Variants in NSD2 observed in about 807,000 individuals in gnomAD.
NSD2 encodes nuclear receptor binding SET domain protein 2.
Under a neutral mutation model 139.0 loss-of-function variants are expected in NSD2, and 12 were observed. The observed-to-expected ratio is 0.09, with a 90% CI of 0.06 to 0.14. The LOEUF (loss-of-function observed/expected upper bound fraction) is 0.14, where lower values mean the gene tolerates loss of function less well. Ranked by LOEUF, NSD2 falls within the 10% of genes least tolerant of loss-of-function variation. The probability of loss-of-function intolerance (pLI) is 1.00; values close to 1 mark genes in which losing one functional copy is unlikely to be tolerated. For missense variants in NSD2, 1,155 were observed against 1,745.0 expected, an observed-to-expected ratio of 0.66 and a Z score of 6.02; for synonymous variants, 669 against 648.7, an observed-to-expected ratio of 1.03 and a Z score of -0.48.
chr4:1,934,908 T>C (rs868393497), intron 6 of NSD2, among the ~76,000 whole-genome samples: 1 of 79,082 alleles, frequency 1.3e-5, no homozygotes, highest in East Asian at 3.8e-4. Flanking sequence ...TATATATATA[T>C]AAAAAACAGA....
At chr4:1,947,575 A>G (rs1019953638) in intron 9 of NSD2, 16 of 1,053,358 alleles carry the variant, frequency 1.5e-5, no homozygotes, top group Non-Finnish European at 1.8e-5. Context: ...ACTTATTTTA[A>G]TTCCACTTTA....
At chr4:1,882,071 A>T (rs1324876418) in intron 1 of NSD2, among the ~76,000 whole-genome samples, 1 of 152,226 alleles carries the variant, frequency 6.6e-6, no homozygotes, top group Admixed American at 6.5e-5. Context: ...TGGAAAGAAG[A>T]TTCCTCAGAT....
chr4:1,913,376 C>T (rs1367540669), intron 3 of NSD2, among the ~76,000 whole-genome samples: 5 of 152,206 alleles, frequency 3.3e-5, no homozygotes, highest in Non-Finnish European at 7.4e-5. Context: ...GCTCCACCAC[C>T]TCTTGTGGAA....
intron 1 of NSD2, among the ~76,000 whole-genome samples, chr4:1,890,001 C>T (rs1423140657): frequency 1.3e-5 from 2 of 152,188 alleles, no homozygotes; most frequent in African/African-American, 4.8e-5. Flanking sequence ...CCTCTCCTCT[C>T]CCAGCCCCTG....
chr4:1,883,622 CTT>C (rs1184783677), intron 1 of NSD2, among the ~76,000 whole-genome samples: 2 of 136,298 alleles, frequency 1.5e-5, no homozygotes, highest in African/African-American at 5.6e-5. Flanking sequence ...CAGAGCAAGA[CTT>C]TGTTTCCAAA....
intron 1 of NSD2, among the ~76,000 whole-genome samples, chr4:1,892,423 C>T (rs921684455): frequency 3.3e-5 from 5 of 152,124 alleles, no homozygotes; most frequent in Admixed American, 1.3e-4. Context: ...CTCCCTAGCC[C>T]CTTAACGTGT....
rs1486350767 is a variant in NSD2 at position 1,888,404 on chromosome 4, T to C, written c.-29-12222T>C. On this transcript the variant is annotated intron_variant, in intron 1 of 21. Coordinates refer to ENST00000508803, the MANE Select transcript of NSD2 (RefSeq NM_001042424.3). Reference sequence around the variant, plus strand: ...CTCCAGCCTGGGTGACAGAGCGAGATTGCCTCAAAAAAAAAAAAAAAAAAA... The same window carrying C: ...CTCCAGCCTGGGTGACAGAGCGAGACTGCCTCAAAAAAAAAAAAAAAAAAA... 4.9e-3 allele frequency among the ~76,000 whole-genome samples: 455 copies of C among 93,284 alleles called. 1 individual carries two copies. Among genetic ancestry groups the C allele is most frequent in the African/African-American group, 0.019 (437 of 22,730 alleles). The allele number at this position is 93,284 out of a possible 152,430, so 61.2% of individuals were successfully genotyped here.
At chr4:1,903,255 C>A (rs1717426771) in intron 2 of NSD2, among the ~76,000 whole-genome samples, 1 of 152,190 alleles carries the variant, frequency 6.6e-6, no homozygotes, top group Non-Finnish European at 1.5e-5. Flanking sequence ...TAGAGATTCA[C>A]CCTTGGAGGG....
In NSD2 at chr4:1,920,379, G is replaced by A. The variant is rs1452358994; in HGVS notation, c.1410+1756G>A. Among the ~76,000 whole-genome samples, 3 of 152,214 alleles carry A rather than the reference G, an allele frequency of 2.0e-5. No homozygotes were observed. In the East Asian group the frequency reaches 5.8e-4, roughly 29 times the overall value. ...GCAGGAGAATCACTTGAACCGGGAG[G>A]CCACAGTGAGCTGAAATCATGCCGC... is the stretch of plus-strand genomic sequence containing the variant. On this transcript the variant is annotated intron_variant, in intron 5 of 21. Transcript: ENST00000508803.
chr4:1,935,042 G>A (rs1722226694), intron 6 of NSD2, 102 bp from the exon 7 acceptor site: 1 of 762,074 alleles, frequency 1.3e-6, no homozygotes, highest in East Asian at 2.7e-5. Flanking sequence ...CCCATCATGG[G>A]CTGGATCTGT....
At chr4:1,930,573 C>A in intron 5 of NSD2, 53 bp from the exon 6 acceptor site, 3 of 1,519,552 alleles carry the variant, frequency 2.0e-6, no homozygotes, top group South Asian at 1.3e-5. Context: ...AAAACAAAAC[C>A]CAATGAGTTT....
At chr4:1,877,749 C>T (rs1347236616) in intron 1 of NSD2, among the ~76,000 whole-genome samples, 20 of 152,160 alleles carry the variant, frequency 1.3e-4, no homozygotes, top group Admixed American at 1.3e-3. Flanking sequence ...CCGACTAGTG[C>T]CCTTGTTCCT....
intron 1 of NSD2, among the ~76,000 whole-genome samples, chr4:1,882,835 C>T (rs1490812038): frequency 6.6e-6 from 1 of 152,184 alleles, no homozygotes; most frequent in Non-Finnish European, 1.5e-5. Context: ...TGTCTCAGAC[C>T]TACTGCATCA....
intron 9 of NSD2, chr4:1,940,095 G>GT: frequency 8.4e-7 from 1 of 1,193,014 alleles, no homozygotes; most frequent in East Asian, 3.6e-5. Flanking sequence ...CCCTCACACT[G>GT]TAAGAGTTCA....
chr4:1,886,183 C>T (rs1715066574), intron 1 of NSD2, among the ~76,000 whole-genome samples: 1 of 152,132 alleles, frequency 6.6e-6, no homozygotes, highest in South Asian at 2.1e-4. Context: ...TCAAGGCAAC[C>T]TCTGCTCTTT....
chr4:1,883,647 AAAG>A (rs1422754353), intron 1 of NSD2, among the ~76,000 whole-genome samples: 3 of 151,820 alleles, frequency 2.0e-5, no homozygotes, highest in Non-Finnish European at 1.5e-5. Flanking sequence ...AAAAAAAAAA[AAAG>A]CGTACCTCCT....
At chr4:1,926,579 T>TC (rs1245692400) in intron 5 of NSD2, among the ~76,000 whole-genome samples, 1 of 151,734 alleles carries the variant, frequency 6.6e-6, no homozygotes, top group African/African-American at 2.4e-5. Flanking sequence ...CAAGCGATCC[T>TC]CCCCCCTCAG....
At chr4:1,872,893 C>T (rs554259253) in intron 1 of NSD2, among the ~76,000 whole-genome samples, 2 of 151,946 alleles carry the variant, frequency 1.3e-5, no homozygotes, top group African/African-American at 4.8e-5. Flanking sequence ...TTTTAAGTGC[C>T]CTAGTTACGT....
rs186038165 is a variant in NSD2, at chr4:1,919,494, C to T, written c.1410+871C>T. On this transcript the variant is annotated intron_variant, in intron 5 of 21. Coordinates refer to ENST00000508803, the MANE Select transcript of NSD2 (RefSeq NM_001042424.3). ...GTAAAGAACTGAAGGAGTTGGGTTCCCCACTTCCCACTTTTGGTTATGTTA... is the reference window on the plus strand; with the variant it reads ...GTAAAGAACTGAAGGAGTTGGGTTCTCCACTTCCCACTTTTGGTTATGTTA... Among the ~76,000 whole-genome samples, 372 of 152,242 alleles carry T rather than the reference C, an allele frequency of 2.4e-3. 3 individuals carry two copies. The highest frequency in any genetic ancestry group is 8.6e-3 in the African/African-American group (358 of 41,540).
Sources: gnomAD v4.1 joint callset for allele counts (sites outside exome capture counted in the v4.1 genomes callset) on GRCh38, gnomAD v4.1.1 for gene constraint, MANE v1.5 for transcripts, NCBI Gene and HGNC (gene_info 2026-07-23, HGNC 2026-07-21) for gene names.